ROBO1: variants seen among roughly 807,000 people sequenced by gnomAD.
The protein encoded by ROBO1 is roundabout guidance receptor 1, also known as roundabout homolog 1.
ROBO1 carries 149 observed loss-of-function variants against 195.9 expected under a neutral mutation model. That is an observed-to-expected ratio of 0.76 (90% confidence interval 0.67 to 0.87). ROBO1 has a LOEUF of 0.87. ROBO1 is among the 40% of genes least tolerant of loss of function. The pLI is 0.00. For synonymous variants in ROBO1, 816 were observed against 733.2 expected (o/e 1.11, Z -1.82); for missense variants, 1,933 against 2,068.3 (o/e 0.93, Z 1.27).
intron 8 of ROBO1, among the ~76,000 whole-genome samples, chr3:78,710,158 C>G (rs983675497): frequency 1.3e-5 from 2 of 152,110 alleles, no homozygotes; most frequent in African/African-American, 4.8e-5. Flanking sequence ...AAACTTCCCA[C>G]TCGTGGACTC....
intron 4 of ROBO1, among the ~76,000 whole-genome samples, chr3:78,776,239 CTTATTTATTTAT>C (rs4055619): frequency 2.7e-4 from 40 of 150,748 alleles, no homozygotes; most frequent in Non-Finnish European, 5.2e-4. Context: ...TGAAGAAATT[CTTATTTATTTAT>C]TTATTTATTT....
intron 8 of ROBO1, among the ~76,000 whole-genome samples, chr3:78,689,365 C>G (rs2081119733): frequency 6.6e-6 from 1 of 152,146 alleles, no homozygotes; most frequent in Non-Finnish European, 1.5e-5. Flanking sequence ...TCTGCTCATC[C>G]TGACATTATA....
chr3:78,781,288 T>C (rs1465598463), intron 4 of ROBO1, among the ~76,000 whole-genome samples: 1 of 152,120 alleles, frequency 6.6e-6, no homozygotes, highest in Non-Finnish European at 1.5e-5. Context: ...AGTCACCTTC[T>C]CTCCGACTCC....
chr3:79,395,467 T>C (rs114032128), intron 2 of ROBO1, among the ~76,000 whole-genome samples: 5,221 of 151,956 alleles, frequency 0.034, 202 homozygotes, highest in African/African-American at 0.098. Flanking sequence ...CTAATGAGAG[T>C]GCCAATGAAA....
At chr3:79,276,583 C>G (rs2031054056) in intron 2 of ROBO1, among the ~76,000 whole-genome samples, 1 of 151,882 alleles carries the variant, frequency 6.6e-6, no homozygotes, top group African/African-American at 2.4e-5. Context: ...TAGTAATACC[C>G]CACAAGCATA....
intron 10 of ROBO1, among the ~76,000 whole-genome samples, chr3:78,684,022 A>C (rs944858646): frequency 2.6e-5 from 4 of 152,098 alleles, no homozygotes; most frequent in Non-Finnish European, 4.4e-5. Flanking sequence ...CTTGTATTTC[A>C]AATACATGGG....
intron 21 of ROBO1, among the ~76,000 whole-genome samples, chr3:78,645,812 A>C (rs1559690073): frequency 6.6e-6 from 1 of 152,084 alleles, no homozygotes; most frequent in African/African-American, 2.4e-5. Flanking sequence ...TTTTTCTTGG[A>C]TAGTATTAGT....
intron 1 of ROBO1, among the ~76,000 whole-genome samples, chr3:79,734,183 T>C (rs1703281221): frequency 6.6e-6 from 1 of 152,028 alleles, no homozygotes; most frequent in Non-Finnish European, 1.5e-5. Context: ...CCTGACCTCA[T>C]GGATCCTCTC....
chr3:78,856,621 T>A (rs1171650571), intron 4 of ROBO1, among the ~76,000 whole-genome samples: 3 of 151,100 alleles, frequency 2.0e-5, no homozygotes, highest in Non-Finnish European at 4.4e-5. Context: ...TTAGGTGGAG[T>A]CCAACTTAAT....
chr3:79,298,305 T>C (rs2032704954), intron 2 of ROBO1, among the ~76,000 whole-genome samples: 1 of 151,992 alleles, frequency 6.6e-6, no homozygotes, highest in African/African-American at 2.4e-5. Context: ...TCTCTCCTCC[T>C]CCACGTAGCT....
intron 3 of ROBO1, among the ~76,000 whole-genome samples, chr3:79,124,019 G>A (rs551445622): frequency 2.6e-5 from 4 of 152,090 alleles, no homozygotes; most frequent in Middle Eastern, 3.4e-3. Flanking sequence ...GTTTAGACTG[G>A]GTGAGTACAA....
intron 3 of ROBO1, among the ~76,000 whole-genome samples, chr3:79,025,387 T>A (rs1039490141): frequency 6.6e-6 from 1 of 152,150 alleles, no homozygotes; most frequent in African/African-American, 2.4e-5. Context: ...CTATATATAT[T>A]TTTTATTTTG....
intron 1 of ROBO1, among the ~76,000 whole-genome samples, chr3:79,694,957 TTATAA>T (rs1310566160): frequency 5.3e-5 from 8 of 151,594 alleles, no homozygotes; most frequent in African/African-American, 9.7e-5. Flanking sequence ...ATGAAAATAA[TTATAA>T]TAAAATATTG....
chr3:79,644,718 C>T (rs1373882641), intron 1 of ROBO1, among the ~76,000 whole-genome samples: 4 of 152,088 alleles, frequency 2.6e-5, no homozygotes, highest in Non-Finnish European at 5.9e-5. Flanking sequence ...ACAAAATAGG[C>T]TTAACTGACA....
In ROBO1 at chr3:79,053,811, C is replaced by T. The variant is rs140505960; in HGVS notation, c.172+71645G>A. Among the ~76,000 whole-genome samples the T allele has an allele frequency of 2.8e-4, 43 of 152,204 alleles. 1 individual carries two copies. Among genetic ancestry groups the T allele is most frequent in the African/African-American group, 5.3e-4 (22 of 41,546 alleles). ...TGAAACTTCAGTGCAATGCTTATTA[C>T]GCCAAAACAAAGAAACAAGTGGATT... On this transcript the variant is annotated intron_variant, in intron 3 of 30. Coordinates refer to ENST00000464233, the MANE Select transcript of ROBO1 (RefSeq NM_002941.4).
intron 3 of ROBO1, among the ~76,000 whole-genome samples, chr3:78,970,611 A>G (rs2076741963): frequency 6.6e-6 from 1 of 152,214 alleles, no homozygotes; most frequent in Non-Finnish European, 1.5e-5. Context: ...AGGGATTTTA[A>G]TATTAAAATA....
At position 78,999,831 on chromosome 3, in the gene ROBO1, C is replaced by A. The variant is rs565146996; in HGVS notation, c.173-60904G>T. On this transcript the variant is annotated intron_variant, in intron 3 of 30. Coordinates refer to ENST00000464233, the MANE Select transcript of ROBO1 (RefSeq NM_002941.4). ...TACAACATGATTTTTCTTCTCTCTGCCTATATGTTTTACTTCTGCTTAGTC... is the reference window on the plus strand; with the variant it reads ...TACAACATGATTTTTCTTCTCTCTGACTATATGTTTTACTTCTGCTTAGTC... 2.0e-5 allele frequency among the ~76,000 whole-genome samples: 3 copies of A among 152,220 alleles called. No individual in the cohort carries two copies. The South Asian group carries it at 6.2e-4, about 32-fold the overall frequency.
intron 3 of ROBO1, among the ~76,000 whole-genome samples, chr3:79,111,768 C>T (rs1037336186): frequency 1.3e-5 from 2 of 152,098 alleles, no homozygotes; most frequent in African/African-American, 2.4e-5. Flanking sequence ...AATGGAGATA[C>T]TGGATACAAG....
chr3:79,423,182 A>G (rs973978156), intron 2 of ROBO1, among the ~76,000 whole-genome samples: 3 of 152,166 alleles, frequency 2.0e-5, no homozygotes, highest in African/African-American at 7.2e-5. Flanking sequence ...AAATGTTAGC[A>G]GTCTGGTTTC....
Sources: gnomAD v4.1 joint callset for allele counts (sites outside exome capture counted in the v4.1 genomes callset) on GRCh38, gnomAD v4.1.1 for gene constraint, MANE v1.5 for transcripts, NCBI Gene and HGNC (gene_info 2026-07-23, HGNC 2026-07-21) for gene names.